PPP2R2C: variants seen among roughly 807,000 people sequenced by gnomAD.
The protein encoded by PPP2R2C is protein phosphatase 2, regulatory subunit B, gamma.
In PPP2R2C, 10 loss-of-function variants were observed where a neutral mutation model predicts 45.3. That is an observed-to-expected ratio of 0.22 (90% CI 0.14 to 0.37). The LOEUF (loss-of-function observed/expected upper bound fraction) is 0.37, where lower values mean the gene tolerates loss of function less well. Among genes scored for constraint, PPP2R2C ranks in the 10% least tolerant of loss-of-function variants. The probability of loss-of-function intolerance (pLI) is 1.00; values close to 1 mark genes in which losing one functional copy is unlikely to be tolerated. For missense variants in PPP2R2C, 308 were observed against 619.7 expected (o/e 0.50, Z 5.34); for synonymous variants, 257 against 245.4 (o/e 1.05, Z -0.44).
At chr4:6,349,507 T>G in intron 5 of PPP2R2C, 2 of 985,444 alleles carry the variant, frequency 2.0e-6, no homozygotes, top group Non-Finnish European at 2.4e-6. Flanking sequence ...AAATACTGAC[T>G]GAAACTCTGA....
chr4:6,515,537 G>T (rs1206761386), intron 2 of PPP2R2C, among the ~76,000 whole-genome samples: 2 of 152,176 alleles, frequency 1.3e-5, no homozygotes, highest in Non-Finnish European at 2.9e-5. Flanking sequence ...GAACCACAGA[G>T]TACTCACCTC....
chr4:6,456,624 C>A (rs756183273), intron 1 of PPP2R2C, among the ~76,000 whole-genome samples: 1 of 152,196 alleles, frequency 6.6e-6, no homozygotes, highest in African/African-American at 2.4e-5. Context: ...GGATTGCTCC[C>A]GAAGCAGACA....
chr4:6,354,303 TC>T (rs1171360542), intron 5 of PPP2R2C, among the ~76,000 whole-genome samples: 1 of 151,760 alleles, frequency 6.6e-6, no homozygotes, highest in East Asian at 2.0e-4. Context: ...TGGCCGCTTC[TC>T]CCTCCATACC....
In PPP2R2C at chr4:6,345,920, C is replaced by G. The variant is rs543391851; in HGVS notation, c.790+1926G>C. On this transcript the variant is annotated intron_variant, in intron 6 of 8. Coordinates refer to ENST00000382599, the MANE Select transcript of PPP2R2C (RefSeq NM_020416.4). This position sits in a 1 kb window ranked among gnomAD's most constrained non-coding sequence, Gnocchi z 5.3. ...CTGCCTGGATATCTGGCTGCCTACT[C>G]GACCCATTTCCTTGGAACCCAATAC... Among the ~76,000 whole-genome samples the G allele has an allele frequency of 1.3e-5, 2 of 152,182 alleles. No homozygotes were observed. The highest frequency in any genetic ancestry group is 2.9e-5 in the Non-Finnish European group (2 of 68,028).
intron 5 of PPP2R2C, chr4:6,349,102 C>T (rs1379679000): frequency 2.0e-6 from 2 of 985,170 alleles, no homozygotes; most frequent in Non-Finnish European, 2.4e-6. Context: ...GACTGGCACC[C>T]CCGAGCTTCT....
At chr4:6,475,945 T>C (rs948879921), upstream of PPP2R2C, among the ~76,000 whole-genome samples, 7 of 151,990 alleles carry the variant, frequency 4.6e-5, no homozygotes, top group Admixed American at 6.6e-5. Context: ...AGTGCCCCTA[T>C]AGGAAGAGAC....
intron 1 of PPP2R2C, among the ~76,000 whole-genome samples, chr4:6,544,174 G>T (rs1233540664): frequency 6.6e-6 from 1 of 152,208 alleles, no homozygotes; most frequent in African/African-American, 2.4e-5. Flanking sequence ...GTGGAGCCTG[G>T]TTCCTGTTGG....
intron 1 of PPP2R2C, among the ~76,000 whole-genome samples, chr4:6,548,047 A>G (rs1203870743): frequency 3.3e-5 from 5 of 152,016 alleles, no homozygotes; most frequent in Admixed American, 2.6e-4. Context: ...GTGAAACCCC[A>G]TCTCTATTAA....
intron 2 of PPP2R2C, among the ~76,000 whole-genome samples, chr4:6,506,872 T>A (rs1723253401): frequency 6.6e-6 from 1 of 152,156 alleles, no homozygotes; most frequent in South Asian, 2.1e-4. Context: ...CTTGGGGCTG[T>A]CAACATATGG....
At chr4:6,496,862 A>AAATAAATAAAT (rs1722894649) in intron 2 of PPP2R2C, among the ~76,000 whole-genome samples, 1 of 138,948 alleles carries the variant, frequency 7.2e-6, no homozygotes, top group Non-Finnish European at 1.5e-5. Context: ...ACTCCATCTC[A>AAATAAATAAAT]AAATAAATAA....
chr4:6,465,896 A>G (rs1721567123), intron 1 of PPP2R2C, among the ~76,000 whole-genome samples: 1 of 152,206 alleles, frequency 6.6e-6, no homozygotes, highest in African/African-American at 2.4e-5. Context: ...TGGTTCAATA[A>G]TAAACAAGGA....
chr4:6,478,812 G>A (rs1054375433), intron 2 of PPP2R2C, among the ~76,000 whole-genome samples: 1 of 152,158 alleles, frequency 6.6e-6, no homozygotes, highest in Non-Finnish European at 1.5e-5. Flanking sequence ...ATCTCGAGTG[G>A]GCTACAGCTC....
intron 2 of PPP2R2C, among the ~76,000 whole-genome samples, chr4:6,503,260 C>A (rs1723117466): frequency 6.6e-6 from 1 of 152,174 alleles, no homozygotes; most frequent in South Asian, 2.1e-4. Context: ...CACCTCAGGG[C>A]CTTTGCAGCC....
intron 1 of PPP2R2C, among the ~76,000 whole-genome samples, chr4:6,464,912 G>A (rs866068389): frequency 1.4e-5 from 2 of 147,972 alleles, no homozygotes; most frequent in Middle Eastern, 3.4e-3. Flanking sequence ...AGGAAGGAAG[G>A]GAGGAAGGGA....
chr4:6,332,870 C>T lies in PPP2R2C; in HGVS notation c.960+692G>A, dbSNP rs1250620166. 1.3e-5 allele frequency among the ~76,000 whole-genome samples: 2 copies of T among 152,258 alleles called. No homozygotes were observed. The highest frequency in any genetic ancestry group is 3.9e-4 in the East Asian group (2 of 5,178). On this transcript the variant is annotated intron_variant, in intron 7 of 8. Coordinates refer to ENST00000382599, the MANE Select transcript of PPP2R2C (RefSeq NM_020416.4). The surrounding 1 kb of genome is among the most constrained non-coding windows in gnomAD (Gnocchi z 4.9). Reference sequence around the variant, plus strand: ...GCCAGATCTTACCCATCCTTCAAGGCCCAGCACAAATGCCACCTCCTCCAA... The same window carrying T: ...GCCAGATCTTACCCATCCTTCAAGGTCCAGCACAAATGCCACCTCCTCCAA...
chr4:6,347,801 G>T, intron 6 of PPP2R2C, 45 bp downstream of exon 6: 4 of 696,924 alleles, frequency 5.7e-6, no homozygotes, highest in Non-Finnish European at 7.9e-6. Flanking sequence ...CCACCCGCCC[G>T]CCTGCCCAAT....
At chr4:6,390,552 G>A (rs1454605541) in intron 1 of PPP2R2C, among the ~76,000 whole-genome samples, 1 of 152,226 alleles carries the variant, frequency 6.6e-6, no homozygotes, top group Admixed American at 6.5e-5. Flanking sequence ...CGGGCGGCGG[G>A]CGCATGGGAG....
At chr4:6,416,051 C>T (rs1329611742) in intron 1 of PPP2R2C, among the ~76,000 whole-genome samples, 1 of 152,184 alleles carries the variant, frequency 6.6e-6, no homozygotes, top group Non-Finnish European at 1.5e-5. Context: ...CCTGCTGTCA[C>T]CCTGGGTCTT....
chr4:6,472,018 G>GAT (rs1721920078), intron 1 of PPP2R2C, 142 bp downstream of exon 1: 1 of 1,043,454 alleles, frequency 9.6e-7, no homozygotes, highest in African/African-American at 1.6e-5. Context: ...GATGGGGTGG[G>GAT]GTGGGGTGGG....
Sources: allele counts gnomAD v4.1 joint callset (sites outside exome capture counted in the v4.1 genomes callset), GRCh38; gene constraint gnomAD v4.1.1; non-coding constraint Gnocchi (gnomAD v3.1); transcripts MANE v1.5; gene names NCBI Gene and HGNC (gene_info 2026-07-23, HGNC 2026-07-21).